UROS: variants seen among roughly 807,000 people sequenced by gnomAD.
The protein encoded by UROS is uroporphyrinogen-III synthase.
UROS carries 18 observed loss-of-function variants against 33.0 expected under a neutral mutation model. That is an observed-to-expected ratio of 0.55 (90% CI 0.38 to 0.81). The LOEUF (loss-of-function observed/expected upper bound fraction) is 0.81, where lower values mean the gene tolerates loss of function less well. UROS is among the 30% of genes least tolerant of loss of function. The pLI is 0.00. For missense variants in UROS, 293 were observed against 314.9 expected, an observed-to-expected ratio of 0.93 and a Z score of 0.53; for synonymous variants, 114 against 121.1, an observed-to-expected ratio of 0.94 and a Z score of 0.38.
At chr10:125,795,135 G>A in intron 8 of UROS, 157 bp from the exon 9 acceptor site, 1 of 704,598 alleles carries the variant, frequency 1.4e-6, no homozygotes, top group Middle Eastern at 3.4e-4. Context: ...CTCTGCTCCA[G>A]TGAGGCAGGA....
chr10:125,805,323 G>A (rs1252040248), intron 6 of UROS, among the ~76,000 whole-genome samples: 2 of 152,234 alleles, frequency 1.3e-5, no homozygotes, highest in Non-Finnish European at 2.9e-5. Flanking sequence ...AGTGGATGGA[G>A]GTGCTTGGCC....
chr10:125,795,096 A>T, intron 8 of UROS, 118 bp from the exon 9 acceptor site: 1 of 930,014 alleles, frequency 1.1e-6, no homozygotes, highest in Non-Finnish European at 1.7e-6. Context: ...GTTTTAGCAC[A>T]GGAGTGGTTC....
At chr10:125,810,403 T>C (rs969350984) in intron 5 of UROS, among the ~76,000 whole-genome samples, 1 of 152,190 alleles carries the variant, frequency 6.6e-6, no homozygotes, top group Non-Finnish European at 1.5e-5. Flanking sequence ...GCAGATCTTC[T>C]GAGGCCACTG....
At chr10:125,804,140 GA>G (rs1852105423) in intron 6 of UROS, among the ~76,000 whole-genome samples, 1 of 152,198 alleles carries the variant, frequency 6.6e-6, no homozygotes, top group African/African-American at 2.4e-5. Context: ...GTGGCCCCTA[GA>G]AAGCTTCAGG....
chr10:125,803,145 C>A (rs992117602), intron 6 of UROS: 4 of 1,364,378 alleles, frequency 2.9e-6, no homozygotes, highest in African/African-American at 1.5e-5. Flanking sequence ...CCCCAGCCTA[C>A]CACTATTAGC....
intron 7 of UROS, among the ~76,000 whole-genome samples, chr10:125,797,246 G>C (rs956469253): frequency 1.3e-5 from 2 of 152,166 alleles, no homozygotes; most frequent in Non-Finnish European, 2.9e-5. Context: ...AAAACCCTGG[G>C]AGAGACAGTA....
chr10:125,817,543 G>C (rs1853448173), intron 1 of UROS, among the ~76,000 whole-genome samples: 2 of 151,898 alleles, frequency 1.3e-5, no homozygotes, highest in Admixed American at 1.3e-4. Flanking sequence ...GTGTGATCTT[G>C]TTTTTTCCCA....
intron 9 of UROS, chr10:125,793,866 C>T (rs34569988): frequency 0.44 from 66,749 of 151,988 alleles, 15,936 homozygotes; most frequent in Non-Finnish European, 0.54. Flanking sequence ...TTTCTAACCA[C>T]AAGATTCAGA....
intron 6 of UROS, among the ~76,000 whole-genome samples, chr10:125,803,471 C>T (rs926183519): frequency 1.3e-5 from 2 of 152,198 alleles, no homozygotes; most frequent in Admixed American, 1.3e-4. Context: ...TCTTAGACTG[C>T]GATGGCTCTG....
chr10:125,802,089 T>A (rs1034691175), intron 6 of UROS: 21 of 985,374 alleles, frequency 2.1e-5, no homozygotes, highest in Non-Finnish European at 2.2e-5. Flanking sequence ...ATTTCTACAT[T>A]TTTAAAAGAA....
chr10:125,790,816 C>T (rs1383624252), intron 9 of UROS, among the ~76,000 whole-genome samples: 6 of 146,874 alleles, frequency 4.1e-5, no homozygotes, highest in African/African-American at 1.0e-4. Flanking sequence ...AGAGGCCAGG[C>T]GCCGTGGCTC....
downstream of UROS, among the ~76,000 whole-genome samples, chr10:125,788,408 A>G (rs562032030): frequency 6.6e-6 from 1 of 152,314 alleles, no homozygotes; most frequent in Admixed American, 6.5e-5. Context: ...ACAGTTGTCC[A>G]TGGCTCACAA....
intron 5 of UROS, 36 bp from the exon 6 acceptor site, chr10:125,807,523 G>T (rs1210093586): frequency 6.6e-7 from 1 of 1,521,210 alleles, no homozygotes; most frequent in South Asian, 1.1e-5. Flanking sequence ...TCTTAACACG[G>T]TTATTGAAGT....
At chr10:125,790,166 C>T (rs981110920) in intron 9 of UROS, among the ~76,000 whole-genome samples, 31 of 152,130 alleles carry the variant, frequency 2.0e-4, no homozygotes, top group African/African-American at 6.5e-4. Flanking sequence ...GCAGAGGCCC[C>T]GCTCCCACCC....
At chr10:125,813,928 C>G (rs1286151669) in intron 4 of UROS, among the ~76,000 whole-genome samples, 1 of 152,242 alleles carries the variant, frequency 6.6e-6, no homozygotes, top group Admixed American at 6.5e-5. Context: ...GTCACTTACT[C>G]CATGCCCACT....
intron 9 of UROS, chr10:125,792,286 C>T (rs1359382979): frequency 6.6e-6 from 1 of 152,166 alleles, no homozygotes; most frequent in Non-Finnish European, 1.5e-5. Context: ...GCCTTTCACT[C>T]CTGTGTCAAT....
intron 6 of UROS, chr10:125,807,110 C>T (rs1173249378): frequency 5.0e-6 from 2 of 398,172 alleles, no homozygotes; most frequent in Admixed American, 3.8e-5. Flanking sequence ...CACCTCCTGC[C>T]TCTGCTCTCT....
At chr10:125,804,071 T>C (rs1299837198) in intron 6 of UROS, among the ~76,000 whole-genome samples, 4 of 152,250 alleles carry the variant, frequency 2.6e-5, no homozygotes, top group African/African-American at 4.8e-5. Flanking sequence ...GCATCTTTTG[T>C]TATTCATGAT....
Position 125,788,605 on chromosome 10 carries a change from T to G in UROS, c.*263A>C. The G allele has an allele frequency of 7.2e-7, 1 of 1,392,048 alleles. No homozygotes were observed. Among genetic ancestry groups the G allele is most frequent in the Non-Finnish European group, 9.3e-7 (1 of 1,074,578 alleles). The allele number at this position is 1,392,048 out of a possible 1,614,324, so 86.2% of individuals were successfully genotyped here. On this transcript the variant is annotated 3_prime_UTR_variant, in exon 10 of 10. Transcript: ENST00000368797. ...AGTAAGCACAGGTAGTCAGTGTGGT[T>G]TATTTGACTTCCTTCCTGCTGGGCA...
Sources: allele counts gnomAD v4.1 joint callset (sites outside exome capture counted in the v4.1 genomes callset), GRCh38; gene constraint gnomAD v4.1.1; transcripts MANE v1.5; gene names NCBI Gene and HGNC (gene_info 2026-07-23, HGNC 2026-07-21).